Variants in ZFAND6 observed in about 807,000 individuals in gnomAD.
ZFAND6 encodes AN1-type zinc finger protein 6.
A neutral mutation model predicts 24.5 loss-of-function variants in ZFAND6; 12 were observed. The ratio of observed to expected loss-of-function variants is 0.49; its 90% confidence interval spans 0.31 to 0.79. The LOEUF is 0.79. Among genes scored for constraint, ZFAND6 ranks in the 30% least tolerant of loss-of-function variants. ZFAND6 has a pLI of 0.04. For missense variants in ZFAND6, 207 were observed against 245.9 expected (o/e 0.84, Z 1.06); for synonymous variants, 92 against 81.5 (o/e 1.13, Z -0.69).
intron 1 of ZFAND6, among the ~76,000 whole-genome samples, chr15:80,079,481 A>T (rs376057876): frequency 6.6e-6 from 1 of 151,714 alleles, no homozygotes. Flanking sequence ...CGGCCTCCCA[A>T]AGTGCTGGGA....
At chr15:80,091,941 A>G (rs1481977529) in intron 1 of ZFAND6, among the ~76,000 whole-genome samples, 1 of 152,166 alleles carries the variant, frequency 6.6e-6, no homozygotes, top group Non-Finnish European at 1.5e-5. Flanking sequence ...TACCTGGCCA[A>G]TCCATATATT....
At chr15:80,131,409 A>G in intron 6 of ZFAND6, 116 bp downstream of exon 6, 1 of 757,828 alleles carries the variant, frequency 1.3e-6, no homozygotes, top group East Asian at 2.9e-5. Flanking sequence ...AATATTGGAT[A>G]TACTTCACCT....
chr15:80,086,823 C>A lies in ZFAND6; in HGVS notation c.-180-11593C>A, dbSNP rs543424601. Among the ~76,000 whole-genome samples the A allele has an allele frequency of 2.6e-5, 4 of 152,360 alleles. No individual in the cohort carries two copies. In the South Asian group the frequency reaches 8.3e-4, roughly 32 times the overall value. On this transcript the variant is annotated intron_variant, in intron 1 of 6. Coordinates refer to ENST00000261749, the MANE Select transcript of ZFAND6 (RefSeq NM_019006.4). ...TACCCATTAAACTATAACTCCCAATCACGTCTCCCCCAGTCAGTGGTAACC... is the reference window on the plus strand; with the variant it reads ...TACCCATTAAACTATAACTCCCAATAACGTCTCCCCCAGTCAGTGGTAACC...
At chr15:80,089,820 A>G (rs985903372) in intron 1 of ZFAND6, among the ~76,000 whole-genome samples, 1 of 152,134 alleles carries the variant, frequency 6.6e-6, no homozygotes, top group Non-Finnish European at 1.5e-5. Flanking sequence ...CTAATCATCT[A>G]GAATCCAGCC....
intron 1 of ZFAND6, among the ~76,000 whole-genome samples, chr15:80,065,789 C>T (rs1320101882): frequency 6.6e-6 from 1 of 151,916 alleles, no homozygotes; most frequent in Non-Finnish European, 1.5e-5. Flanking sequence ...AGGTGATCTA[C>T]CCACCTCGGC....
At chr15:80,072,251 A>G (rs1010968352) in intron 1 of ZFAND6, among the ~76,000 whole-genome samples, 3 of 152,126 alleles carry the variant, frequency 2.0e-5, no homozygotes, top group African/African-American at 4.8e-5. Flanking sequence ...AATGATTTAG[A>G]TTAAAAGCAT....
intron 5 of ZFAND6, chr15:80,130,933 TAAAG>T (rs2040571534): frequency 5.2e-6 from 2 of 386,348 alleles, no homozygotes; most frequent in Non-Finnish European, 9.2e-6. Context: ...AGTTAAAACC[TAAAG>T]AAAGTCTATA....
chr15:80,077,578 C>G (rs951452332), intron 1 of ZFAND6, among the ~76,000 whole-genome samples: 11 of 151,628 alleles, frequency 7.3e-5, no homozygotes, highest in African/African-American at 2.7e-4. Flanking sequence ...GTAAATATTA[C>G]CAATGTTTGT....
intron 5 of ZFAND6, 32 bp from the exon 6 acceptor site, chr15:80,131,148 A>T (rs775731070): frequency 6.7e-7 from 1 of 1,496,974 alleles, no homozygotes; most frequent in Admixed American, 1.9e-5. Context: ...TTACAGAATA[A>T]TTAAATTTTG....
At chr15:80,117,651 C>A (rs1204729488) in intron 2 of ZFAND6, among the ~76,000 whole-genome samples, 1 of 152,208 alleles carries the variant, frequency 6.6e-6, no homozygotes, top group Non-Finnish European at 1.5e-5. Flanking sequence ...AGTCTTCATA[C>A]TTCTTTACAC....
intron 1 of ZFAND6, among the ~76,000 whole-genome samples, chr15:80,064,997 TC>T (rs368302343): frequency 0.12 from 10,398 of 85,594 alleles, 551 homozygotes; most frequent in East Asian, 0.22. Context: ...TCTCTCTCTC[TC>T]CCCCTTTTTT....
At chr15:80,118,975 T>C (rs1024680047) in intron 2 of ZFAND6, among the ~76,000 whole-genome samples, 1 of 152,226 alleles carries the variant, frequency 6.6e-6, no homozygotes, top group African/African-American at 2.4e-5. Context: ...ACATTTTCCT[T>C]CTTTGGTTAG....
chr15:80,077,556 T>G (rs1341158111), intron 1 of ZFAND6, among the ~76,000 whole-genome samples: 1 of 152,186 alleles, frequency 6.6e-6, no homozygotes, highest in Non-Finnish European at 1.5e-5. Flanking sequence ...TGATGAAACT[T>G]TTGAAATACA....
At chr15:80,100,275 C>G (rs1294274643) in intron 2 of ZFAND6, among the ~76,000 whole-genome samples, 1 of 152,184 alleles carries the variant, frequency 6.6e-6, no homozygotes, top group Non-Finnish European at 1.5e-5. Context: ...AACAGTACTT[C>G]AACACCCTTC....
At chr15:80,107,171 CG>C (rs1160637420) in intron 2 of ZFAND6, among the ~76,000 whole-genome samples, 3 of 152,032 alleles carry the variant, frequency 2.0e-5, no homozygotes, top group Non-Finnish European at 1.5e-5. Context: ...GCCAAGATTG[CG>C]CCACTGCGCT....
chr15:80,120,253 A>C, intron 2 of ZFAND6, 75 bp from the exon 3 acceptor site: 1 of 1,259,868 alleles, frequency 7.9e-7, no homozygotes, highest in Non-Finnish European at 1.1e-6. Context: ...TCTTTATCAT[A>C]TAAAAGCAGT....
intron 1 of ZFAND6, among the ~76,000 whole-genome samples, chr15:80,092,661 C>A (rs1352797925): frequency 6.6e-6 from 1 of 152,092 alleles, no homozygotes; most frequent in Non-Finnish European, 1.5e-5. Flanking sequence ...TGCACGTAAT[C>A]AGTGGTGGGT....
intron 1 of ZFAND6, among the ~76,000 whole-genome samples, chr15:80,088,032 T>C (rs911914087): frequency 3.7e-5 from 5 of 133,704 alleles, no homozygotes; most frequent in African/African-American, 1.3e-4. Flanking sequence ...CACAGTGTGA[T>C]TAAGTTATCA....
chr15:80,086,265 C>T (rs574447325), intron 1 of ZFAND6, among the ~76,000 whole-genome samples: 5 of 152,198 alleles, frequency 3.3e-5, no homozygotes, highest in South Asian at 2.1e-4. Context: ...CTCAAACTCC[C>T]GACCTCAGGT....
Sources: gnomAD v4.1 joint callset for allele counts (sites outside exome capture counted in the v4.1 genomes callset) on GRCh38, gnomAD v4.1.1 for gene constraint, MANE v1.5 for transcripts, NCBI Gene and HGNC (gene_info 2026-07-23, HGNC 2026-07-21) for gene names.